Variants in SYNE3 observed in about 807,000 individuals in gnomAD.
SYNE3 encodes the protein nesprin-3.
SYNE3 carries 100 observed loss-of-function variants against 111.2 expected under a neutral mutation model. The ratio of observed to expected loss-of-function variants is 0.90; its 90% CI spans 0.77 to 1.06. The LOEUF is 1.06. SYNE3 is among the 50% of genes least tolerant of loss of function. The pLI is 0.00. For synonymous variants in SYNE3, 547 were observed against 533.9 expected (o/e 1.02, Z -0.34); for missense variants, 1,160 against 1,240.3 (o/e 0.94, Z 0.97).
At position 95,455,922 on chromosome 14, in the gene SYNE3, T is replaced by TC. The variant is rs1887410533; in HGVS notation, c.790-199dup. 3 of 533,390 alleles carry TC rather than the reference T, an allele frequency of 5.6e-6. No individual in the cohort carries two copies. The South Asian group carries it at 1.0e-4, about 18-fold the overall frequency. 33.0% of individuals were successfully genotyped at this position (533,390 alleles called of 1,614,324 possible). On this transcript the variant is annotated intron_variant, in intron 5 of 17. Transcript: ENST00000682763. ...CTCACAACCTGAGAACCCTATTCCT[T>TC]CCCCATAAGTCTTTTTCAAGCCATT... is the stretch of plus-strand genomic sequence containing the variant.
intron 17 of SYNE3, among the ~76,000 whole-genome samples, chr14:95,421,526 T>C (rs1885126250): frequency 6.6e-6 from 1 of 152,218 alleles, no homozygotes; most frequent in East Asian, 1.9e-4. Flanking sequence ...TCTCAGAGCC[T>C]CAGTTTCTTC....
At chr14:95,505,952 A>T (rs1890511423) in intron 1 of SYNE3, among the ~76,000 whole-genome samples, 1 of 152,258 alleles carries the variant, frequency 6.6e-6, no homozygotes, top group Admixed American at 6.5e-5. Flanking sequence ...GGGGAGCTTT[A>T]AAAAGCTACA....
At chr14:95,493,247 C>G (rs1889932148) in intron 1 of SYNE3, among the ~76,000 whole-genome samples, 1 of 152,178 alleles carries the variant, frequency 6.6e-6, no homozygotes, top group Non-Finnish European at 1.5e-5. Context: ...ATTTACTGAG[C>G]AGGTATTAGG....
At chr14:95,498,929 TTTTCAGC>T (rs965095106) in intron 1 of SYNE3, among the ~76,000 whole-genome samples, 5 of 152,204 alleles carry the variant, frequency 3.3e-5, no homozygotes, top group Non-Finnish European at 5.9e-5. Context: ...CCCTCCACAG[TTTTCAGC>T]TTTGGTTTAC....
chr14:95,449,345 G>T (rs538386007), intron 8 of SYNE3: 1 of 799,774 alleles, frequency 1.3e-6, no homozygotes, highest in South Asian at 5.7e-5. Flanking sequence ...TGAGGGGAGT[G>T]TGCGGGTGTC....
At position 95,408,940 on chromosome 14, in the gene SYNE3, C is replaced by T. The variant is rs1380510418; in HGVS notation, c.*8886G>A. Reference sequence around the variant, plus strand: ...TAGACAGACAGTGGGTACCTGCTCCCGTCCCCTGGGACCTCATCCTGGTGT... The same window carrying T: ...TAGACAGACAGTGGGTACCTGCTCCTGTCCCCTGGGACCTCATCCTGGTGT... On this transcript the variant is annotated 3_prime_UTR_variant, in exon 18 of 18. Coordinates refer to ENST00000682763, the MANE Select transcript of SYNE3 (RefSeq NM_152592.6). The T allele has an allele frequency of 1.7e-5, 6 of 356,026 alleles. No individual in the cohort carries two copies. Among genetic ancestry groups the T allele is most frequent in the East Asian group, 7.4e-5 (1 of 13,496 alleles). The allele number at this position is 356,026 out of a possible 1,614,324, so 22.1% of individuals were successfully genotyped here.
rs376646265 is a variant in SYNE3 at position 95,433,445 on chromosome 14, A to T, written c.2539-36T>A. On this transcript the variant is annotated intron_variant, in intron 15 of 17. Transcript: ENST00000682763. ...CAGCAGCGTCATGGTGCGGCTTCCA[A>T]ATGGCCCAGACAGCCCCACCTGAAT... 5.8e-5 allele frequency: 94 copies of T among 1,610,342 alleles called. No individual in the cohort carries two copies. In the African/African-American group the frequency reaches 9.5e-4, roughly 16 times the overall value.
chr14:95,422,804 C>T (rs1406007290), intron 17 of SYNE3, among the ~76,000 whole-genome samples: 1 of 152,226 alleles, frequency 6.6e-6, no homozygotes, highest in Non-Finnish European at 1.5e-5. Flanking sequence ...TCTGAAGGCC[C>T]CTCTGAGCAC....
rs965687075 is a variant in SYNE3, at chr14:95,501,833, C to A, written c.-15+14763G>T. Among the ~76,000 whole-genome samples, 7 of 152,214 alleles carry A rather than the reference C, an allele frequency of 4.6e-5. No individual in the cohort carries two copies. The South Asian group carries it at 6.2e-4, about 14-fold the overall frequency. ...TGGAGAGTCTCAAGCCTCATTCATT[C>A]ATCCAACAGCATTTACAAAACACTC... On this transcript the variant is annotated intron_variant, in intron 1 of 17. Coordinates refer to ENST00000682763, the MANE Select transcript of SYNE3 (RefSeq NM_152592.6).
At chr14:95,508,842 CAT>C (rs1890620847) in intron 1 of SYNE3, among the ~76,000 whole-genome samples, 1 of 152,242 alleles carries the variant, frequency 6.6e-6, no homozygotes, top group African/African-American at 2.4e-5. Flanking sequence ...GGAGATGACA[CAT>C]ATTGCACCTT....
At chr14:95,460,409 C>CG (rs1887726217) in intron 4 of SYNE3, among the ~76,000 whole-genome samples, 2 of 123,856 alleles carry the variant, frequency 1.6e-5, no homozygotes, top group Non-Finnish European at 3.3e-5. Context: ...TTAGAAGAGA[C>CG]GGGGTTTCAC....
chr14:95,427,994 A>G (rs1361161056), intron 17 of SYNE3, among the ~76,000 whole-genome samples: 3 of 152,214 alleles, frequency 2.0e-5, no homozygotes, highest in Non-Finnish European at 4.4e-5. Context: ...TATAAAGTGC[A>G]CCATTATTTT....
chr14:95,458,362 C>T (rs568308812), intron 4 of SYNE3, among the ~76,000 whole-genome samples: 3 of 152,304 alleles, frequency 2.0e-5, no homozygotes, highest in African/African-American at 7.2e-5. Flanking sequence ...CCCTTCTGTG[C>T]CCAAGTCCCC....
chr14:95,496,911 A>C (rs1203118327), intron 1 of SYNE3, among the ~76,000 whole-genome samples: 1 of 152,200 alleles, frequency 6.6e-6, no homozygotes, highest in Admixed American at 6.5e-5. Context: ...GTACTCTTAC[A>C]CCCAAATGGT....
intron 1 of SYNE3, among the ~76,000 whole-genome samples, chr14:95,481,630 T>C (rs911847353): frequency 5.9e-5 from 9 of 152,052 alleles, no homozygotes; most frequent in African/African-American, 2.2e-4. Flanking sequence ...CAGAAGCCAG[T>C]ATAGGGGAGC....
intron 1 of SYNE3, among the ~76,000 whole-genome samples, chr14:95,496,620 C>G (rs1266090827): frequency 6.6e-6 from 1 of 152,206 alleles, no homozygotes; most frequent in Non-Finnish European, 1.5e-5. Context: ...TCCTCCTCCC[C>G]TAAGACCCCC....
intron 4 of SYNE3, among the ~76,000 whole-genome samples, chr14:95,459,535 T>C (rs1887662680): frequency 6.6e-6 from 1 of 152,192 alleles, no homozygotes; most frequent in African/African-American, 2.4e-5. Context: ...CTCTTCACCA[T>C]GGAGCCAGGC....
At chr14:95,490,206 A>T (rs945740782) in intron 1 of SYNE3, among the ~76,000 whole-genome samples, 1 of 152,242 alleles carries the variant, frequency 6.6e-6, no homozygotes, top group Non-Finnish European at 1.5e-5. Context: ...AATGTAAAGG[A>T]CTATCACCGT....
chr14:95,486,838 T>C (rs76131401), intron 1 of SYNE3, among the ~76,000 whole-genome samples: 3,084 of 152,294 alleles, frequency 0.02, 49 homozygotes, highest in African/African-American at 0.041. Flanking sequence ...ATAAAACTCA[T>C]GGTCTCCAAA....
Sources: allele counts gnomAD v4.1 joint callset (sites outside exome capture counted in the v4.1 genomes callset), GRCh38; gene constraint gnomAD v4.1.1; transcripts MANE v1.5; gene names NCBI Gene and HGNC (gene_info 2026-07-23, HGNC 2026-07-21).